The following ZCWPW1 variants were observed in gnomAD, a reference collection of about 807,000 sequenced individuals.
ZCWPW1 encodes the protein zinc finger CW-type and PWWP domain containing 1.
A neutral mutation model predicts 81.3 loss-of-function variants in ZCWPW1; 56 were observed. The ratio of observed to expected loss-of-function variants is 0.69; its 90% CI spans 0.56 to 0.86. ZCWPW1 has a LOEUF of 0.86. ZCWPW1 is among the 40% of genes least tolerant of loss of function. ZCWPW1 has a pLI of 0.00. For synonymous variants in ZCWPW1, 250 were observed against 273.7 expected, an observed-to-expected ratio of 0.91 and a Z score of 0.86; for missense variants, 650 against 769.8, an observed-to-expected ratio of 0.84 and a Z score of 1.84.
At chr7:100,407,439 C>A in intron 10 of ZCWPW1, 136 bp from the exon 11 acceptor site, 1 of 740,678 alleles carries the variant, frequency 1.4e-6, no homozygotes, top group Non-Finnish European at 2.2e-6. Context: ...GTCACCCAGG[C>A]TGGAGTGCAG....
At chr7:100,409,669 C>T in intron 8 of ZCWPW1, 125 bp from the exon 9 acceptor site, 1 of 654,974 alleles carries the variant, frequency 1.5e-6, no homozygotes, top group South Asian at 1.9e-5. Flanking sequence ...TAGAGATCAA[C>T]CAGCCCGATC....
chr7:100,412,637 A>G (rs1454034112), intron 8 of ZCWPW1, among the ~76,000 whole-genome samples: 2 of 151,482 alleles, frequency 1.3e-5, no homozygotes, highest in African/African-American at 4.9e-5. Context: ...GCTGGAGTGC[A>G]GTGGCACGAT....
intron 6 of ZCWPW1, 104 bp downstream of exon 6, chr7:100,416,962 A>T: frequency 5.4e-6 from 5 of 932,210 alleles, no homozygotes; most frequent in Non-Finnish European, 8.1e-6. Flanking sequence ...AAAAAAAAAA[A>T]GAAATATGAT....
intron 12 of ZCWPW1, among the ~76,000 whole-genome samples, chr7:100,406,129 C>G (rs968913840): frequency 6.6e-6 from 1 of 152,206 alleles, no homozygotes; most frequent in Admixed American, 6.5e-5. Flanking sequence ...CAAGGCTGGT[C>G]AAACCCAAAG....
At chr7:100,419,960 G>C in intron 3 of ZCWPW1, 77 bp from the exon 4 acceptor site, 1 of 1,204,682 alleles carries the variant, frequency 8.3e-7, no homozygotes, top group South Asian at 1.5e-5. Context: ...CCTTTGACTA[G>C]CCATAACAGA....
At chr7:100,406,937 T>A in intron 11 of ZCWPW1, 139 bp from the exon 12 acceptor site, 1 of 751,530 alleles carries the variant, frequency 1.3e-6, no homozygotes, top group East Asian at 2.7e-5. Context: ...GCCTGACTCA[T>A]CTACCCTACC....
chr7:100,417,681 G>A (rs1273177960), intron 5 of ZCWPW1, among the ~76,000 whole-genome samples: 2 of 150,738 alleles, frequency 1.3e-5, no homozygotes, highest in Non-Finnish European at 3.0e-5. Context: ...TCATGCCACT[G>A]CACTCTAGCC....
At chr7:100,402,249 C>T (rs1290910387) in intron 16 of ZCWPW1, 5 of 795,636 alleles carry the variant, frequency 6.3e-6, no homozygotes, top group Non-Finnish European at 8.5e-6. Context: ...CTTCTCTTTA[C>T]AGTTCTCCTC....
intron 13 of ZCWPW1, 23 bp downstream of exon 13, chr7:100,404,990 G>T: frequency 1.2e-6 from 2 of 1,608,280 alleles, no homozygotes; most frequent in Non-Finnish European, 1.7e-6. Context: ...AAAGGAATGG[G>T]TGTGGTCTGA....
intron 8 of ZCWPW1, among the ~76,000 whole-genome samples, chr7:100,411,902 T>C (rs546653216): frequency 7.5e-4 from 114 of 152,318 alleles, no homozygotes; most frequent in African/African-American, 2.7e-3. Flanking sequence ...GAAGATAATG[T>C]GCTCTGGAAA....
rs905349241 is a variant in ZCWPW1 at position 100,419,177 on chromosome 7, G to C, written c.295C>G (p.Leu99Val). Residue 99 changes from leucine to valine, a missense_variant, in exon 5 of 18, where the codon CTT becomes GTT. Coordinates refer to ENST00000684423, the MANE Select transcript of ZCWPW1 (RefSeq NM_001386010.1). Reference protein sequence around the residue: ...AEKKEKEKSSLTNAEFEEIVQ... With the variant: ...AEKKEKEKSSVTNAEFEEIVQ... ...ATCTCCTCAAATTCTGCATTGGTAA[G>C]ACTTGATTTTTCCTGCAGAGACAAG... 1 of 1,613,016 alleles carries C rather than the reference G, an allele frequency of 6.2e-7. No homozygotes were observed. The highest frequency in any genetic ancestry group is 1.1e-5 in the South Asian group (1 of 90,910).
intron 14 of ZCWPW1, 47 bp from the exon 15 acceptor site, chr7:100,403,832 A>G (rs1238488154): frequency 5.8e-6 from 9 of 1,544,516 alleles, no homozygotes; most frequent in Non-Finnish European, 8.0e-6. Flanking sequence ...ATACCATAAA[A>G]TAGTGAGTTA....
Position 100,405,073 on chromosome 7 carries a change from G to A in ZCWPW1, c.1194C>T (p.Cys398=). 6.2e-7 allele frequency: 1 copy of A among 1,613,094 alleles called. No individual in the cohort carries two copies. Among genetic ancestry groups the A allele is most frequent in the Non-Finnish European group, 8.5e-7 (1 of 1,179,590 alleles). Residue 398 remains cysteine (C), a synonymous_variant, in exon 13 of 18, where the codon TGC becomes TGT. Transcript: ENST00000684423. ...LSVMKKRRND[C]SQKLGVALMM... ...TCAGGGCCACCCCCAGTTTCTGGCT[G>A]CAGTCATTTCTGCGCTTTTTCTGAA...
intron 14 of ZCWPW1, 44 bp downstream of exon 14, chr7:100,404,134 A>C: frequency 6.8e-5 from 105 of 1,534,064 alleles, no homozygotes; most frequent in Non-Finnish European, 8.4e-5. Context: ...TCATGAAGGA[A>C]TCCCTCCCAT....
At chr7:100,419,247 G>C in intron 4 of ZCWPW1, 58 bp from the exon 5 acceptor site, 1 of 1,485,118 alleles carries the variant, frequency 6.7e-7, no homozygotes, top group Non-Finnish European at 9.3e-7. Flanking sequence ...TTTCCCCTCT[G>C]AACAGTCAGG....
At chr7:100,421,635 T>C (rs566124168) in intron 2 of ZCWPW1, among the ~76,000 whole-genome samples, 4 of 152,356 alleles carry the variant, frequency 2.6e-5, no homozygotes, top group African/African-American at 9.6e-5. Flanking sequence ...AATTAGTGCC[T>C]TGATATTCAT....
chr7:100,402,492 T>C, intron 16 of ZCWPW1, 24 bp downstream of exon 16: 1 of 1,613,806 alleles, frequency 6.2e-7, no homozygotes, highest in African/African-American at 1.3e-5. Flanking sequence ...TGGGTTGTGC[T>C]CCATTTCCAG....
At chr7:100,420,079 C>G (rs1004260873) in intron 3 of ZCWPW1, among the ~76,000 whole-genome samples, 196 bp from the exon 4 acceptor site, 1 of 152,170 alleles carries the variant, frequency 6.6e-6, no homozygotes. Flanking sequence ...AGAGGCCTAG[C>G]AATCTGTAAT....
chr7:100,423,883 A>G (rs1174855956), intron 2 of ZCWPW1, among the ~76,000 whole-genome samples: 2 of 152,146 alleles, frequency 1.3e-5, no homozygotes, highest in Non-Finnish European at 2.9e-5. Flanking sequence ...AGCCTGTTCA[A>G]CGTGGCGAAA....
Sources: allele counts gnomAD v4.1 joint callset (sites outside exome capture counted in the v4.1 genomes callset), GRCh38; gene constraint gnomAD v4.1.1; transcripts MANE v1.5; gene names NCBI Gene and HGNC (gene_info 2026-07-23, HGNC 2026-07-21).